LAMA3: variants seen among roughly 807,000 people sequenced by gnomAD.
LAMA3 encodes the protein laminin subunit alpha-3.
LAMA3 carries 281 observed loss-of-function variants against 402.0 expected under a neutral mutation model. The ratio of observed to expected loss-of-function variants is 0.70; its 90% CI spans 0.63 to 0.77. The LOEUF is 0.77. Ranked by LOEUF, LAMA3 falls within the 30% of genes least tolerant of loss-of-function variation. The pLI is 0.00. For missense variants in LAMA3, 3,840 were observed against 4,215.5 expected (o/e 0.91, Z 2.47); for synonymous variants, 1,431 against 1,558.4 (o/e 0.92, Z 1.93).
At chr18:23,855,011 AT>A (rs1276959316) in intron 32 of LAMA3, among the ~76,000 whole-genome samples, 2 of 151,840 alleles carry the variant, frequency 1.3e-5, no homozygotes, top group Non-Finnish European at 2.9e-5. Context: ...AAATAAAAAA[AT>A]TTAAAAAAAT....
intron 40 of LAMA3, among the ~76,000 whole-genome samples, chr18:23,882,381 G>A (rs1182340896): frequency 6.6e-6 from 1 of 152,110 alleles, no homozygotes; most frequent in Non-Finnish European, 1.5e-5. Context: ...TGTAATCCTA[G>A]CACTTTAGAG....
chr18:23,844,522 G>A (rs2063771562), intron 29 of LAMA3, among the ~76,000 whole-genome samples: 1 of 152,232 alleles, frequency 6.6e-6, no homozygotes, highest in South Asian at 2.1e-4. Context: ...GCTTCTCTGA[G>A]TAGAAGTTCC....
intron 24 of LAMA3, among the ~76,000 whole-genome samples, chr18:23,835,047 G>A (rs1339794728): frequency 1.3e-5 from 2 of 152,350 alleles, no homozygotes; most frequent in Admixed American, 6.5e-5. Flanking sequence ...CTCCAGGGAT[G>A]TTCTGTCATT....
In LAMA3 at chr18:23,689,920, G is replaced by C; in HGVS notation, c.237G>C (p.Glu79Asp). The part of the protein sequence containing the change: ...RGPGEGRPQP[E>D]LYCKLVGGPT... ...CCGGCGAGGGGAGGCCCCAGCCCGA[G>C]CTCTACTGCAAGTTGGTCGGGGGCC... The change falls in exon 1 of 75, where the codon GAG (glutamate) becomes GAC (aspartate). Residue 79 changes from glutamate (E) to aspartate (D), a missense_variant. Around this residue, in one of 3 missense-constraint regions of LAMA3, gnomAD observed 2,109 missense variants for 2,376.0 expected, o/e 0.89. Coordinates refer to ENST00000313654, the MANE Select transcript of LAMA3 (RefSeq NM_198129.4). The C allele has an allele frequency of 6.5e-7, 1 of 1,532,614 alleles. No individual in the cohort carries two copies. Among genetic ancestry groups the C allele is most frequent in the East Asian group, 2.6e-5 (1 of 38,940 alleles). The allele number at this position is 1,532,614 out of a possible 1,614,324, so 94.9% of individuals were successfully genotyped here.
intron 37 of LAMA3, among the ~76,000 whole-genome samples, chr18:23,869,261 A>ATAGG (rs2064445400): frequency 6.6e-6 from 1 of 152,242 alleles, no homozygotes; most frequent in African/African-American, 2.4e-5. Context: ...AACATACCAG[A>ATAGG]GAAGAGGAGG....
At chr18:23,774,573 C>G (rs939820550) in intron 9 of LAMA3, among the ~76,000 whole-genome samples, 4 of 152,088 alleles carry the variant, frequency 2.6e-5, no homozygotes, top group African/African-American at 9.7e-5. Flanking sequence ...TCTAGTTTTT[C>G]CTTGTAGAAT....
intron 8 of LAMA3, among the ~76,000 whole-genome samples, chr18:23,772,084 C>T (rs1185972734): frequency 1.3e-5 from 2 of 151,454 alleles, no homozygotes; most frequent in African/African-American, 4.9e-5. Context: ...CTCTGTCACC[C>T]TGGCTGGAGT....
At chr18:23,815,825 C>T (rs2063164947) in intron 17 of LAMA3, among the ~76,000 whole-genome samples, 2 of 152,082 alleles carry the variant, frequency 1.3e-5, no homozygotes, top group South Asian at 4.1e-4. Context: ...GATGGGAGGG[C>T]ATCTGTTAGT....
intron 55 of LAMA3, among the ~76,000 whole-genome samples, chr18:23,910,121 T>C (rs533652464): frequency 6.6e-6 from 1 of 152,322 alleles, no homozygotes; most frequent in African/African-American, 2.4e-5. Flanking sequence ...TGAATAAGAA[T>C]GTATGCTAGC....
At chr18:23,945,900 T>C (rs1228585255) in intron 69 of LAMA3, among the ~76,000 whole-genome samples, 1 of 152,196 alleles carries the variant, frequency 6.6e-6, no homozygotes, top group Non-Finnish European at 1.5e-5. Context: ...CTCTTTTGAT[T>C]AGTTCACTTC....
At chr18:23,897,968 C>T (rs1383617901) in intron 44 of LAMA3, among the ~76,000 whole-genome samples, 1 of 152,160 alleles carries the variant, frequency 6.6e-6, no homozygotes, top group East Asian at 1.9e-4. Flanking sequence ...GGGTTTGGAC[C>T]TAGGCTTTAT....
intron 12 of LAMA3, among the ~76,000 whole-genome samples, chr18:23,791,747 A>AAC (rs2062660180): frequency 6.6e-6 from 1 of 151,488 alleles, no homozygotes; most frequent in African/African-American, 2.4e-5. Flanking sequence ...AAAAAAAAAA[A>AAC]AAAAAAAAAC....
At chr18:23,749,366 T>C (rs2061704736) in intron 3 of LAMA3, 62 bp from the exon 4 acceptor site, 1 of 896,962 alleles carries the variant, frequency 1.1e-6, no homozygotes, top group Admixed American at 2.0e-5. Flanking sequence ...TAAGGCTTCT[T>C]AAGAGATTTG....
Position 23,772,435 on chromosome 18 carries a change from A to G in LAMA3, c.1183-1062A>G, listed in dbSNP as rs185975309. 1.4e-4 allele frequency among the ~76,000 whole-genome samples: 21 copies of G among 152,336 alleles called. No individual in the cohort carries two copies. The East Asian group carries it at 3.9e-3, about 28-fold the overall frequency. ...AACCTGATGTCCTCTGTCTATGGTA[A>G]GAAACAGTGGCAAACAACAGATTTG... is the stretch of plus-strand genomic sequence containing the variant. On this transcript the variant is annotated intron_variant, in intron 8 of 74. Coordinates refer to ENST00000313654, the MANE Select transcript of LAMA3 (RefSeq NM_198129.4).
intron 2 of LAMA3, among the ~76,000 whole-genome samples, chr18:23,724,080 C>A (rs1182307775): frequency 1.3e-5 from 2 of 152,068 alleles, no homozygotes; most frequent in Non-Finnish European, 2.9e-5. Flanking sequence ...AATTCTTATG[C>A]CTTTGCATCC....
rs993382447 is a variant in LAMA3 at position 23,955,001 on chromosome 18, T to C, written c.*353T>C. On this transcript the variant is annotated 3_prime_UTR_variant, in exon 75 of 75. Coordinates refer to ENST00000313654, the MANE Select transcript of LAMA3 (RefSeq NM_198129.4). ...TATATTTTAAAGCACTTTAAGAATA[T>C]GAAACTTTCATATATGTTAAAGGAT... 4 of 291,308 alleles carry C rather than the reference T, an allele frequency of 1.4e-5. No homozygotes were observed. The highest frequency in any genetic ancestry group is 1.3e-5 in the Non-Finnish European group (2 of 151,428). The allele number at this position is 291,308 out of a possible 1,614,324, so 18.0% of individuals were successfully genotyped here. A position where few individuals can be genotyped will look rare whatever the true frequency, so the allele number is the denominator to read the frequency against.
rs369235990 is a variant in LAMA3 at position 23,838,718 on chromosome 18, G to C, written c.3094-63G>C. 12 of 853,780 alleles carry C rather than the reference G, an allele frequency of 1.4e-5. No homozygotes were observed. The African/African-American group carries it at 1.8e-4, about 13-fold the overall frequency. The allele number at this position is 853,780 out of a possible 1,614,324, so 52.9% of individuals were successfully genotyped here. On this transcript the variant is annotated intron_variant, in intron 25 of 74. Coordinates refer to ENST00000313654, the MANE Select transcript of LAMA3 (RefSeq NM_198129.4). ...ATAGCTTTTTTAAAAGGGTGTTTTT[G>C]GCCATACCGTTTGTTTTGCTGGTAA...
chr18:23,699,081 T>A (rs1360477176), intron 1 of LAMA3, among the ~76,000 whole-genome samples: 1 of 147,004 alleles, frequency 6.8e-6, no homozygotes, highest in Non-Finnish European at 1.5e-5. Flanking sequence ...GGAAAGGAGA[T>A]GATGTTGGTG....
intron 43 of LAMA3, 64 bp downstream of exon 43, chr18:23,894,412 C>T (rs2080802378): frequency 7.3e-7 from 1 of 1,372,274 alleles, no homozygotes; most frequent in East Asian, 2.3e-5. Flanking sequence ...GATATGTGAG[C>T]ACCATGCTGG....
Sources: gnomAD v4.1 joint callset for allele counts (sites outside exome capture counted in the v4.1 genomes callset) on GRCh38, gnomAD v4.1.1 for gene constraint, gnomAD v4.1.1 regional missense constraint, MANE v1.5 for transcripts, NCBI Gene and HGNC (gene_info 2026-07-23, HGNC 2026-07-21) for gene names.